The following HACD3 variants were observed in gnomAD, a reference collection of about 807,000 sequenced individuals.
The protein encoded by HACD3 is 3-hydroxyacyl-CoA dehydratase 3.
In HACD3, 30 loss-of-function variants were observed where a neutral mutation model predicts 55.2. That is an observed-to-expected ratio of 0.54 (90% CI 0.41 to 0.74). The LOEUF (loss-of-function observed/expected upper bound fraction) is 0.74. Among genes scored for constraint, HACD3 ranks in the 30% least tolerant of loss-of-function variants. HACD3 has a pLI of 0.00. For synonymous variants in HACD3, 141 were observed against 151.7 expected, an observed-to-expected ratio of 0.93 and a Z score of 0.52; for missense variants, 363 against 440.1, an observed-to-expected ratio of 0.82 and a Z score of 1.57.
chr15:65,537,774 TAG>T, intron 1 of HACD3, among the ~76,000 whole-genome samples: 1 of 83,478 alleles, frequency 1.2e-5, no homozygotes, highest in East Asian at 6.8e-4. Context: ...GCCTGGGCAA[TAG>T]AGAGAGACTC....
intron 1 of HACD3, among the ~76,000 whole-genome samples, chr15:65,541,740 TTGTC>T (rs999756293): frequency 1.4e-4 from 22 of 152,196 alleles, no homozygotes; most frequent in African/African-American, 4.8e-4. Context: ...TTCTTTGAAA[TTGTC>T]TGTGTCCCCA....
At chr15:65,562,733 C>T (rs767121481) in intron 5 of HACD3, 41 bp from the exon 6 acceptor site, 3 of 1,601,672 alleles carry the variant, frequency 1.9e-6, no homozygotes, top group South Asian at 2.2e-5. Flanking sequence ...CCTGCTGGGA[C>T]TATTGCTTTT....
intron 1 of HACD3, among the ~76,000 whole-genome samples, chr15:65,533,981 G>A (rs1161045978): frequency 6.6e-6 from 1 of 151,774 alleles, no homozygotes; most frequent in Non-Finnish European, 1.5e-5. Context: ...AACCCGGGAG[G>A]TGGAGCTTGC....
intron 7 of HACD3, among the ~76,000 whole-genome samples, chr15:65,568,619 A>G (rs2072316879): frequency 6.6e-6 from 1 of 152,078 alleles, no homozygotes; most frequent in Non-Finnish European, 1.5e-5. Context: ...TCGGCCTCCC[A>G]AAGTGCTGGG....
chr15:65,574,249 G>A (rs1217155905), intron 10 of HACD3: 3 of 152,226 alleles, frequency 2.0e-5, no homozygotes, highest in African/African-American at 7.2e-5. Flanking sequence ...CTGTAGACTT[G>A]ACTGGGGCTG....
At chr15:65,537,946 AAAAAAAAAAAAAATAT>A (rs1231608110) in intron 1 of HACD3, among the ~76,000 whole-genome samples, 1 of 53,514 alleles carries the variant, frequency 1.9e-5, no homozygotes, top group African/African-American at 7.5e-5. Context: ...AAAAAAAAAA[AAAAAAAAAAAAAATAT>A]ATATATATAT....
intron 5 of HACD3, among the ~76,000 whole-genome samples, chr15:65,562,567 A>T (rs957122830): frequency 6.6e-6 from 1 of 152,098 alleles, no homozygotes; most frequent in Non-Finnish European, 1.5e-5. Flanking sequence ...TCCTGCTGAA[A>T]ATACATGCTG....
intron 1 of HACD3, among the ~76,000 whole-genome samples, chr15:65,540,871 A>G (rs754741717): frequency 1.3e-5 from 2 of 152,206 alleles, no homozygotes; most frequent in Non-Finnish European, 2.9e-5. Flanking sequence ...TTATAGTAGT[A>G]TGGGTAAGAG....
chr15:65,541,759 G>A (rs1241192704), intron 1 of HACD3, among the ~76,000 whole-genome samples: 1 of 152,142 alleles, frequency 6.6e-6, no homozygotes, highest in Non-Finnish European at 1.5e-5. Context: ...TCCCCAAAAG[G>A]GGGAATTAGA....
chr15:65,534,607 T>C (rs916851554), intron 1 of HACD3, among the ~76,000 whole-genome samples: 1 of 152,236 alleles, frequency 6.6e-6, no homozygotes, highest in Admixed American at 6.5e-5. Flanking sequence ...AGAGCGTAGC[T>C]GTGTTTGAGA....
intron 5 of HACD3, among the ~76,000 whole-genome samples, chr15:65,559,419 G>C (rs1475961988): frequency 6.6e-6 from 1 of 151,534 alleles, no homozygotes; most frequent in African/African-American, 2.4e-5. Context: ...AACTACCTCT[G>C]AAAAGCAGAA....
At chr15:65,541,813 G>T (rs1277828013) in intron 1 of HACD3, among the ~76,000 whole-genome samples, 1 of 152,110 alleles carries the variant, frequency 6.6e-6, no homozygotes, top group Non-Finnish European at 1.5e-5. Flanking sequence ...GTATTATACA[G>T]CTATAACAAG....
chr15:65,551,631 C>G (rs2072134064), intron 1 of HACD3, 45 bp from the exon 2 acceptor site: 3 of 1,609,346 alleles, frequency 1.9e-6, no homozygotes, highest in South Asian at 2.2e-5. Context: ...CTCATTTTTT[C>G]TCTTCATTAA....
chr15:65,556,891 G>T lies in HACD3; in HGVS notation c.357G>T (p.Glu119Asp). 1 of 1,612,260 alleles carries T rather than the reference G, an allele frequency of 6.2e-7. No homozygotes were observed. Among genetic ancestry groups the T allele is most frequent in the Non-Finnish European group, 8.5e-7 (1 of 1,179,092 alleles). ...TGGATGAATCTGATGCGGAAATGGA[G>T]CTCAGAGCTAAGGTTAGTAAGGATC... ...RWLDESDAEM[E>D]LRAKEEERLN... Residue 119 changes from glutamate to aspartate, a missense_variant, in exon 4 of 11, where the codon GAG becomes GAT. Coordinates refer to ENST00000261875, the MANE Select transcript of HACD3 (RefSeq NM_016395.4).
At chr15:65,543,987 T>C (rs900370477) in intron 1 of HACD3, among the ~76,000 whole-genome samples, 1 of 151,972 alleles carries the variant, frequency 6.6e-6, no homozygotes, top group Non-Finnish European at 1.5e-5. Context: ...CCATCCTGGC[T>C]AACATGGTGA....
At chr15:65,559,417 C>T (rs2072224410) in intron 5 of HACD3, among the ~76,000 whole-genome samples, 1 of 151,514 alleles carries the variant, frequency 6.6e-6, no homozygotes, top group Non-Finnish European at 1.5e-5. Context: ...AAAACTACCT[C>T]TGAAAAGCAG....
At chr15:65,550,660 A>G (rs1407080957) in intron 1 of HACD3, among the ~76,000 whole-genome samples, 4 of 152,220 alleles carry the variant, frequency 2.6e-5, no homozygotes, top group South Asian at 4.1e-4. Flanking sequence ...TAAAGCAACA[A>G]TAGTCGTTTA....
At chr15:65,544,125 C>A (rs2072049344) in intron 1 of HACD3, among the ~76,000 whole-genome samples, 1 of 151,774 alleles carries the variant, frequency 6.6e-6, no homozygotes, top group African/African-American at 2.4e-5. Context: ...TGCAGTGAGC[C>A]GAGATTACGC....
At chr15:65,576,086 CCT>C (rs1331610812) in intron 10 of HACD3, among the ~76,000 whole-genome samples, 5 of 152,086 alleles carry the variant, frequency 3.3e-5, no homozygotes, top group African/African-American at 1.2e-4. Context: ...AGAATGAGAC[CCT>C]GTCGCAATAA....
Sources: allele counts gnomAD v4.1 joint callset (sites outside exome capture counted in the v4.1 genomes callset), GRCh38; gene constraint gnomAD v4.1.1; transcripts MANE v1.5; gene names NCBI Gene and HGNC (gene_info 2026-07-23, HGNC 2026-07-21).